RASGEF1A: variants seen among roughly 807,000 people sequenced by gnomAD.
The protein encoded by RASGEF1A is RasGEF domain family member 1A.
In RASGEF1A, 18 loss-of-function variants were observed where a neutral mutation model predicts 56.4. That is an observed-to-expected ratio of 0.32 (90% CI 0.22 to 0.47). The LOEUF is 0.47. Among genes scored for constraint, RASGEF1A ranks in the 20% least tolerant of loss-of-function variants. The probability of loss-of-function intolerance (pLI) is 1.00; values close to 1 mark genes in which losing one functional copy is unlikely to be tolerated. For missense variants in RASGEF1A, 422 were observed against 627.1 expected (o/e 0.67, Z 3.49); for synonymous variants, 245 against 242.6 (o/e 1.01, Z -0.09).
chr10:43,232,382 C>T (rs940977178), intron 1 of RASGEF1A, among the ~76,000 whole-genome samples: 2 of 152,172 alleles, frequency 1.3e-5, no homozygotes, highest in African/African-American at 4.8e-5. Context: ...AGTGAAAGCT[C>T]CCTGAGGCCT....
chr10:43,266,515 G>T (rs1174755823), intron 1 of RASGEF1A, among the ~76,000 whole-genome samples: 4 of 150,864 alleles, frequency 2.7e-5, no homozygotes, highest in African/African-American at 7.3e-5. Context: ...CAGTGCCCAC[G>T]CCCGCCCGCC....
intron 1 of RASGEF1A, among the ~76,000 whole-genome samples, chr10:43,254,310 T>C (rs1310131606): frequency 2.0e-5 from 3 of 152,162 alleles, no homozygotes; most frequent in Non-Finnish European, 4.4e-5. Flanking sequence ...GCCATGTAGG[T>C]AGACCCCCCC....
At chr10:43,238,884 G>A (rs1024146326) in intron 1 of RASGEF1A, among the ~76,000 whole-genome samples, 2 of 152,214 alleles carry the variant, frequency 1.3e-5, no homozygotes, top group Admixed American at 6.5e-5. Context: ...GGCAACCCAC[G>A]AATACACAAG....
At chr10:43,261,383 G>C (rs1204393659) in intron 1 of RASGEF1A, among the ~76,000 whole-genome samples, 1 of 152,214 alleles carries the variant, frequency 6.6e-6, no homozygotes, top group Non-Finnish European at 1.5e-5. Context: ...CCGTAGCGGG[G>C]CTGAGCAGGA....
chr10:43,217,030 G>C (rs984968223), intron 1 of RASGEF1A, among the ~76,000 whole-genome samples: 1 of 152,126 alleles, frequency 6.6e-6, no homozygotes, highest in East Asian at 1.9e-4. Flanking sequence ...AGAGCCCTCC[G>C]GGATCCCACC....
chr10:43,225,921 C>G (rs913972567), intron 1 of RASGEF1A, among the ~76,000 whole-genome samples: 2 of 152,136 alleles, frequency 1.3e-5, no homozygotes. Context: ...GCATACTTAC[C>G]GGCCCAAGGC....
intron 1 of RASGEF1A, among the ~76,000 whole-genome samples, chr10:43,257,822 G>C (rs927752296): frequency 1.4e-4 from 22 of 152,358 alleles, no homozygotes; most frequent in Non-Finnish European, 7.3e-5. Flanking sequence ...GGGCTGCATG[G>C]CTGTCCCCAC....
intron 1 of RASGEF1A, among the ~76,000 whole-genome samples, chr10:43,252,518 A>T (rs930866007): frequency 1.3e-5 from 2 of 151,778 alleles, no homozygotes; most frequent in African/African-American, 2.4e-5. Flanking sequence ...CAGGGCATTA[A>T]TGGGTAGTCA....
At chr10:43,231,497 A>T (rs1316907678) in intron 1 of RASGEF1A, among the ~76,000 whole-genome samples, 1 of 152,144 alleles carries the variant, frequency 6.6e-6, no homozygotes, top group South Asian at 2.1e-4. Flanking sequence ...GACACTCTAG[A>T]GGAGGTGGTG....
At chr10:43,204,764 C>T (rs1220738023) in intron 2 of RASGEF1A, among the ~76,000 whole-genome samples, 1 of 152,210 alleles carries the variant, frequency 6.6e-6, no homozygotes, top group Non-Finnish European at 1.5e-5. Flanking sequence ...AGGGACCACA[C>T]TGGGTGACCG....
rs1439873553 is a variant in RASGEF1A, at chr10:43,250,012, C to T, written c.-7+16833G>A. On this transcript the variant is annotated intron_variant, in intron 1 of 12. Transcript: ENST00000395810. The stretch of plus-strand genomic sequence containing the variant: ...GCACAGTGCTCACAGCAGGGTCCAG[C>T]GGCCAGGGCAAGCACACCACCTCTG... 4.6e-5 allele frequency among the ~76,000 whole-genome samples: 7 copies of T among 152,224 alleles called. 1 individual carries two copies. The highest frequency in any genetic ancestry group is 3.9e-4 in the Admixed American group (6 of 15,284).
chr10:43,202,786 C>A (rs1028814795), intron 3 of RASGEF1A: 3 of 456,580 alleles, frequency 6.6e-6, no homozygotes, highest in African/African-American at 6.0e-5. Context: ...CCGGACCCAA[C>A]CCACAGCTCC....
Position 43,225,369 on chromosome 10 carries a change from G to A in RASGEF1A, c.-6-19247C>T, listed in dbSNP as rs760669877. 8.1e-5 allele frequency among the ~76,000 whole-genome samples: 12 copies of A among 148,412 alleles called. No homozygotes were observed. The East Asian group carries it at 1.8e-3, about 22-fold the overall frequency. ...TGCATGTGTCTGTGTGTCTCTCTACGTCTGTGTCTCTGCATGTGTCTGTGT... is the reference window on the plus strand; with the variant it reads ...TGCATGTGTCTGTGTGTCTCTCTACATCTGTGTCTCTGCATGTGTCTGTGT... On this transcript the variant is annotated intron_variant, in intron 1 of 12. Transcript: ENST00000395810.
chr10:43,220,022 G>A (rs1564534590), intron 1 of RASGEF1A, among the ~76,000 whole-genome samples: 1 of 152,154 alleles, frequency 6.6e-6, no homozygotes, highest in Non-Finnish European at 1.5e-5. Context: ...CAGCCTCTGG[G>A]AAACAGCACC....
intron 1 of RASGEF1A, among the ~76,000 whole-genome samples, chr10:43,265,818 G>C (rs931486563): frequency 3.3e-5 from 5 of 152,254 alleles, no homozygotes; most frequent in African/African-American, 1.2e-4. Context: ...GCATCCGGAG[G>C]GGGCGGGAGA....
intron 1 of RASGEF1A, among the ~76,000 whole-genome samples, chr10:43,242,217 G>A (rs1227352376): frequency 1.3e-5 from 2 of 152,076 alleles, no homozygotes; most frequent in Non-Finnish European, 2.9e-5. Flanking sequence ...AGCCAGAATG[G>A]CTATATTAAT....
chr10:43,207,779 T>A, intron 1 of RASGEF1A: 1 of 856,106 alleles, frequency 1.2e-6, no homozygotes, highest in Non-Finnish European at 1.4e-6. Context: ...GTGGACTGCT[T>A]CTGTACCCCA....
chr10:43,211,931 G>A (rs1840074691), intron 1 of RASGEF1A, among the ~76,000 whole-genome samples: 1 of 152,220 alleles, frequency 6.6e-6, no homozygotes, highest in East Asian at 1.9e-4. Context: ...AGAGACGGAA[G>A]CTAGTGCGGT....
chr10:43,199,222 G>T, intron 7 of RASGEF1A, 28 bp from the exon 8 acceptor site: 1 of 1,547,962 alleles, frequency 6.5e-7, no homozygotes, highest in Non-Finnish European at 8.8e-7. Context: ...ACCTCAGCAT[G>T]GCGCTGCCGG....
Sources: gnomAD v4.1 joint callset for allele counts (sites outside exome capture counted in the v4.1 genomes callset) on GRCh38, gnomAD v4.1.1 for gene constraint, MANE v1.5 for transcripts, NCBI Gene and HGNC (gene_info 2026-07-23, HGNC 2026-07-21) for gene names.